The following CNTN3 variants were observed in gnomAD, a reference collection of about 807,000 sequenced individuals.
CNTN3 encodes contactin-3.
Under a neutral mutation model 119.1 loss-of-function variants are expected in CNTN3, and 60 were observed. The ratio of observed to expected loss-of-function variants is 0.50; its 90% CI spans 0.41 to 0.62. The LOEUF (loss-of-function observed/expected upper bound fraction) is 0.62. Among genes scored for constraint, CNTN3 ranks in the 20% least tolerant of loss-of-function variants. CNTN3 has a pLI of 0.00. For synonymous variants in CNTN3, 450 were observed against 438.7 expected, an observed-to-expected ratio of 1.03 and a Z score of -0.32; for missense variants, 1,101 against 1,242.4, an observed-to-expected ratio of 0.89 and a Z score of 1.71.
chr3:74,396,626 G>C (rs1169904040), intron 5 of CNTN3, among the ~76,000 whole-genome samples: 2 of 151,756 alleles, frequency 1.3e-5, no homozygotes, highest in African/African-American at 4.8e-5. Flanking sequence ...GGCACCTGTA[G>C]TCCCAGCTAC....
chr3:74,346,102 T>G (rs1044318747), intron 11 of CNTN3, among the ~76,000 whole-genome samples: 1 of 152,134 alleles, frequency 6.6e-6, no homozygotes, highest in African/African-American at 2.4e-5. Context: ...TGAAATAGAA[T>G]AGAAGATATA....
chr3:74,352,143 T>C (rs1703829883), intron 11 of CNTN3, among the ~76,000 whole-genome samples: 1 of 152,222 alleles, frequency 6.6e-6, no homozygotes, highest in African/African-American at 2.4e-5. Flanking sequence ...TATGTGAACT[T>C]TGCCACTGAC....
chr3:74,333,598 C>A (rs1051670261), intron 13 of CNTN3, among the ~76,000 whole-genome samples: 5 of 152,118 alleles, frequency 3.3e-5, no homozygotes, highest in Non-Finnish European at 7.3e-5. Context: ...TGAATAAGGG[C>A]CCATTTTAAT....
intron 5 of CNTN3, among the ~76,000 whole-genome samples, chr3:74,383,438 G>A (rs901441894): frequency 1.3e-5 from 2 of 152,004 alleles, no homozygotes; most frequent in Non-Finnish European, 2.9e-5. Flanking sequence ...TTTAACCAAG[G>A]AATTCTATAA....
intron 20 of CNTN3, among the ~76,000 whole-genome samples, chr3:74,273,423 G>T (rs1701820592): frequency 6.6e-6 from 1 of 152,166 alleles, no homozygotes; most frequent in Non-Finnish European, 1.5e-5. Flanking sequence ...AGGACCCACA[G>T]ACCCTCTGAA....
intron 4 of CNTN3, among the ~76,000 whole-genome samples, chr3:74,467,865 G>A (rs1702493132): frequency 6.6e-6 from 1 of 152,000 alleles, no homozygotes; most frequent in Admixed American, 6.6e-5. Context: ...GGCCAAAGAG[G>A]GAAAGTAAAA....
At chr3:74,436,449 G>A (rs1350666895) in intron 4 of CNTN3, among the ~76,000 whole-genome samples, 1 of 152,134 alleles carries the variant, frequency 6.6e-6, no homozygotes, top group Non-Finnish European at 1.5e-5. Context: ...ACTCTCAGTT[G>A]TCCAGGGCAA....
intron 13 of CNTN3, among the ~76,000 whole-genome samples, chr3:74,329,119 C>G (rs75975135): frequency 6.6e-6 from 1 of 152,220 alleles, no homozygotes; most frequent in African/African-American, 2.4e-5. Flanking sequence ...TAAATCAAGT[C>G]AAAGTGGCCA....
chr3:74,433,282 C>A (rs1329601175), intron 4 of CNTN3, among the ~76,000 whole-genome samples: 1 of 152,196 alleles, frequency 6.6e-6, no homozygotes, highest in South Asian at 2.1e-4. Flanking sequence ...TATGAACCTG[C>A]AAGAAACTGT....
At chr3:74,501,584 G>T (rs902810569) in intron 2 of CNTN3, among the ~76,000 whole-genome samples, 2 of 152,084 alleles carry the variant, frequency 1.3e-5, no homozygotes, top group Non-Finnish European at 2.9e-5. Context: ...AATGAGGATA[G>T]TTTAGAAACT....
intron 11 of CNTN3, among the ~76,000 whole-genome samples, chr3:74,344,808 TTGAAAAATC>T (rs1174308653): frequency 3.9e-5 from 6 of 152,020 alleles, no homozygotes; most frequent in Non-Finnish European, 8.8e-5. Context: ...CTTTGAGTAC[TTGAAAAATC>T]TGGGAAATCT....
At chr3:74,313,518 C>A (rs1011521281) in intron 13 of CNTN3, among the ~76,000 whole-genome samples, 2 of 152,120 alleles carry the variant, frequency 1.3e-5, no homozygotes, top group African/African-American at 4.8e-5. Flanking sequence ...GCCATAGACT[C>A]TTGGCTCCCT....
intron 1 of CNTN3, among the ~76,000 whole-genome samples, chr3:74,611,507 A>G (rs1421629074): frequency 6.6e-6 from 1 of 152,174 alleles, no homozygotes; most frequent in African/African-American, 2.4e-5. Context: ...TATAAGATAA[A>G]AACCATTTAC....
rs1440690926 is a variant in CNTN3 at position 74,334,814 on chromosome 3, T to C, written c.1589A>G (p.Asp530Gly). 9 of 1,613,634 alleles carry C rather than the reference T, an allele frequency of 5.6e-6. No homozygotes were observed. The highest frequency in any genetic ancestry group is 1.1e-5 in the South Asian group (1 of 91,056). Residue 530 changes from aspartate (D) to glycine (G), a missense_variant, in exon 13 of 23, where the codon GAC becomes GGC. Physicochemically the swap from Asp to Gly is moderately conservative, Grantham distance 94. Transcript: ENST00000263665. Reference protein sequence around the residue: ...PCQVQHDPLLDIIFTWYFNGA... With the variant: ...PCQVQHDPLLGIIFTWYFNGA... ...ATTGAAATACCAGGTAAAGATGATGTCTAACAGCGGGTCATGTTGTACCTG... is the reference window on the plus strand; with the variant it reads ...ATTGAAATACCAGGTAAAGATGATGCCTAACAGCGGGTCATGTTGTACCTG...
At chr3:74,537,834 G>C (rs1022608239) in intron 1 of CNTN3, among the ~76,000 whole-genome samples, 1 of 152,082 alleles carries the variant, frequency 6.6e-6, no homozygotes, top group Admixed American at 6.6e-5. Flanking sequence ...GAGGTCTACA[G>C]GGGAATGGCA....
chr3:74,449,575 A>C (rs989538399), intron 4 of CNTN3, among the ~76,000 whole-genome samples: 8 of 152,118 alleles, frequency 5.3e-5, no homozygotes, highest in Admixed American at 5.3e-4. Context: ...AGCACATATA[A>C]AAATAAGAAA....
chr3:74,506,351 T>G, intron 2 of CNTN3, among the ~76,000 whole-genome samples: 1 of 152,164 alleles, frequency 6.6e-6, no homozygotes, highest in South Asian at 2.1e-4. Context: ...TTAACTCCAA[T>G]GGCTATATTT....
At chr3:74,492,099 A>G (rs939948545) in intron 3 of CNTN3, among the ~76,000 whole-genome samples, 3 of 152,178 alleles carry the variant, frequency 2.0e-5, no homozygotes, top group Admixed American at 2.0e-4. Flanking sequence ...GTTGTAACAC[A>G]CTTGAATGAT....
Position 74,544,404 on chromosome 3 carries a change from C to A in CNTN3, c.-80-23212G>T, listed in dbSNP as rs575809005. Reference sequence around the variant, plus strand: ...TTGGCTTTTAATGTAGTATTTATAGCACAGTTTTATGAACACAAGAAGATT... The same window carrying A: ...TTGGCTTTTAATGTAGTATTTATAGAACAGTTTTATGAACACAAGAAGATT... On this transcript the variant is annotated intron_variant, in intron 1 of 22. Transcript: ENST00000263665. Among the ~76,000 whole-genome samples, 3 of 152,234 alleles carry A rather than the reference C, an allele frequency of 2.0e-5. No homozygotes were observed. In the South Asian group the frequency reaches 6.2e-4, roughly 32 times the overall value.
Sources: allele counts gnomAD v4.1 joint callset (sites outside exome capture counted in the v4.1 genomes callset), GRCh38; gene constraint gnomAD v4.1.1; transcripts MANE v1.5; gene names NCBI Gene and HGNC (gene_info 2026-07-23, HGNC 2026-07-21).